Variants in VAT1L observed in about 807,000 individuals in gnomAD.
The protein encoded by VAT1L is vesicle amine transport 1 like.
VAT1L carries 34 observed loss-of-function variants against 44.1 expected under a neutral mutation model. The observed-to-expected ratio is 0.77, with a 90% confidence interval of 0.59 to 1.03. The LOEUF is 1.03. Among genes scored for constraint, VAT1L ranks in the 50% least tolerant of loss-of-function variants. The probability of loss-of-function intolerance (pLI) is 0.00; values close to 1 mark genes in which losing one functional copy is unlikely to be tolerated. For synonymous variants in VAT1L, 253 were observed against 202.2 expected (o/e 1.25, Z -2.13); for missense variants, 615 against 538.8 (o/e 1.14, Z -1.40).
At chr16:77,820,071 G>A (rs533706459) in intron 2 of VAT1L, among the ~76,000 whole-genome samples, 33 of 152,252 alleles carry the variant, frequency 2.2e-4, no homozygotes, top group African/African-American at 7.7e-4. Context: ...CCTCTGTTAT[G>A]CACCCTTATA....
chr16:77,803,527 C>G (rs941695531), intron 1 of VAT1L, among the ~76,000 whole-genome samples: 5 of 146,116 alleles, frequency 3.4e-5, no homozygotes, highest in Admixed American at 2.9e-4. Context: ...TCAGGCCATT[C>G]TCCTGCCTCA....
At chr16:77,824,096 C>G (rs2016491112) in intron 2 of VAT1L, among the ~76,000 whole-genome samples, 1 of 152,176 alleles carries the variant, frequency 6.6e-6, no homozygotes, top group Non-Finnish European at 1.5e-5. Flanking sequence ...CTGTAAGTTC[C>G]TCATGTTTGG....
intron 7 of VAT1L, among the ~76,000 whole-genome samples, chr16:77,914,515 A>G (rs1349783299): frequency 6.6e-6 from 1 of 152,060 alleles, no homozygotes; most frequent in Non-Finnish European, 1.5e-5. Context: ...AGATGAAAGA[A>G]AGTAATGGAA....
chr16:77,864,712 G>A (rs2016953358), intron 4 of VAT1L, among the ~76,000 whole-genome samples: 1 of 152,154 alleles, frequency 6.6e-6, no homozygotes, highest in Admixed American at 6.5e-5. Context: ...GAACAGATTT[G>A]GTGAAACTTG....
chr16:77,804,598 C>T (rs2016122173), intron 1 of VAT1L, among the ~76,000 whole-genome samples: 1 of 152,184 alleles, frequency 6.6e-6, no homozygotes, highest in African/African-American at 2.4e-5. Flanking sequence ...ACTGCCAAGT[C>T]ACTTCCTCCC....
chr16:77,920,718 T>C (rs569170489), intron 7 of VAT1L, among the ~76,000 whole-genome samples: 5 of 152,270 alleles, frequency 3.3e-5, no homozygotes, highest in South Asian at 4.1e-4. Context: ...ATGCTTACCA[T>C]TGGGTTACAA....
At chr16:77,861,943 G>A (rs2016918413) in intron 3 of VAT1L, among the ~76,000 whole-genome samples, 1 of 152,164 alleles carries the variant, frequency 6.6e-6, no homozygotes. Context: ...TTCTTTTACT[G>A]TCTTAATACC....
At chr16:77,910,715 A>G (rs979110720) in intron 7 of VAT1L, among the ~76,000 whole-genome samples, 5 of 151,784 alleles carry the variant, frequency 3.3e-5, no homozygotes, top group Middle Eastern at 3.4e-3. Flanking sequence ...AAAGAAAAGA[A>G]TACACTAGGC....
chr16:77,825,591 A>G (rs536065173), intron 3 of VAT1L, 130 bp downstream of exon 3: 11 of 1,058,178 alleles, frequency 1.0e-5, no homozygotes, highest in South Asian at 3.0e-5. Context: ...TAGAGTTCAC[A>G]TGGACAGCAA....
chr16:77,833,040 T>C (rs1300094594), intron 3 of VAT1L, among the ~76,000 whole-genome samples: 1 of 152,224 alleles, frequency 6.6e-6, no homozygotes, highest in African/African-American at 2.4e-5. Flanking sequence ...GTTACTCAAG[T>C]CAGCAACCCA....
At position 77,979,728 on chromosome 16, in the gene VAT1L, G is replaced by A. The variant is rs1022849630; in HGVS notation, c.*2033G>A. On this transcript the variant is annotated 3_prime_UTR_variant, in exon 9 of 9. Transcript: ENST00000302536. ...GGTTTGGTTTTATTTAACTAGCAAA[G>A]TTAATCCAGTAATCGCAAATTACTC... 1.3e-5 allele frequency: 2 copies of A among 152,610 alleles called. No individual in the cohort carries two copies. Among genetic ancestry groups the A allele is most frequent in the East Asian group, 3.9e-4 (2 of 5,190 alleles). The allele number at this position is 152,610 out of a possible 1,614,324, so 9.5% of individuals were successfully genotyped here. A position where few individuals can be genotyped will look rare whatever the true frequency, so the allele number is the denominator to read the frequency against.
chr16:77,789,574 G>A (rs541457520), intron 1 of VAT1L, among the ~76,000 whole-genome samples: 3 of 152,266 alleles, frequency 2.0e-5, no homozygotes, highest in African/African-American at 7.2e-5. Flanking sequence ...GTAGCCTGAC[G>A]GGGAAAGGAA....
intron 7 of VAT1L, among the ~76,000 whole-genome samples, chr16:77,931,177 G>A (rs979040261): frequency 1.3e-5 from 2 of 152,154 alleles, no homozygotes; most frequent in Admixed American, 1.3e-4. Context: ...CTCAGAAGAA[G>A]TTTTAATAAA....
Position 77,854,208 on chromosome 16 carries a change from C to T in VAT1L, c.580-8540C>T, listed in dbSNP as rs781549776. On this transcript the variant is annotated intron_variant, in intron 3 of 8. Transcript: ENST00000302536. ...GTCCCACTCTTTTCCATTTTTCTTCCCTCTCTCCTATCTCAGCCATGCACC... is the reference window on the plus strand; with the variant it reads ...GTCCCACTCTTTTCCATTTTTCTTCTCTCTCTCCTATCTCAGCCATGCACC... 6.8e-4 allele frequency among the ~76,000 whole-genome samples: 103 copies of T among 152,066 alleles called. 1 individual carries two copies. The highest frequency in any genetic ancestry group is 2.9e-4 in the Non-Finnish European group (20 of 68,000).
At chr16:77,791,728 G>A (rs1335385117) in intron 1 of VAT1L, among the ~76,000 whole-genome samples, 1 of 152,070 alleles carries the variant, frequency 6.6e-6, no homozygotes, top group Non-Finnish European at 1.5e-5. Context: ...TTTTGTGTCT[G>A]GCTTAAGAGA....
chr16:77,908,202 G>T (rs1223374880), intron 7 of VAT1L, among the ~76,000 whole-genome samples: 1 of 150,818 alleles, frequency 6.6e-6, no homozygotes, highest in Non-Finnish European at 1.5e-5. Context: ...TGGCACCACT[G>T]CACTCCAGCC....
chr16:77,838,037 C>T (rs987050472), intron 3 of VAT1L, among the ~76,000 whole-genome samples: 5 of 152,178 alleles, frequency 3.3e-5, no homozygotes, highest in African/African-American at 1.2e-4. Context: ...CCCTGACAGC[C>T]GCTGCTCCAT....
At chr16:77,900,760 A>T (rs2017372930) in intron 7 of VAT1L, among the ~76,000 whole-genome samples, 1 of 151,776 alleles carries the variant, frequency 6.6e-6, no homozygotes, top group African/African-American at 2.4e-5. Flanking sequence ...CACCCTAAAC[A>T]AAACCATTGT....
intron 7 of VAT1L, among the ~76,000 whole-genome samples, chr16:77,913,709 G>C (rs1169645559): frequency 2.0e-5 from 3 of 152,158 alleles, no homozygotes; most frequent in Non-Finnish European, 4.4e-5. Context: ...TGGTTGGAGG[G>C]GGACAGTCTA....
Sources: allele counts gnomAD v4.1 joint callset (sites outside exome capture counted in the v4.1 genomes callset), GRCh38; gene constraint gnomAD v4.1.1; transcripts MANE v1.5; gene names NCBI Gene and HGNC (gene_info 2026-07-23, HGNC 2026-07-21).